GPC5: variants seen among roughly 807,000 people sequenced by gnomAD.
GPC5 encodes glypican 5.
Under a neutral mutation model 53.9 loss-of-function variants are expected in GPC5, and 47 were observed. The ratio of observed to expected loss-of-function variants is 0.87; its 90% confidence interval spans 0.69 to 1.11. The LOEUF (loss-of-function observed/expected upper bound fraction) is 1.11. Among genes scored for constraint, GPC5 ranks in the 50% most tolerant of loss-of-function variants. The probability of loss-of-function intolerance (pLI) is 0.00; values close to 1 mark genes in which losing one functional copy is unlikely to be tolerated. For missense variants in GPC5, 748 were observed against 713.1 expected (o/e 1.05, Z -0.56); for synonymous variants, 286 against 263.3 (o/e 1.09, Z -0.84).
intron 2 of GPC5, among the ~76,000 whole-genome samples, chr13:91,569,490 A>G (rs1360948518): frequency 6.6e-6 from 1 of 152,144 alleles, no homozygotes; most frequent in Non-Finnish European, 1.5e-5. Context: ...CAATTTTAAT[A>G]TATAACATTT....
intron 7 of GPC5, among the ~76,000 whole-genome samples, chr13:92,421,572 A>G (rs1408705043): frequency 1.3e-5 from 2 of 151,344 alleles, no homozygotes; most frequent in African/African-American, 2.4e-5. Flanking sequence ...GGTGGCGGGC[A>G]CCTGTAGTCC....
chr13:92,593,052 A>G (rs1297944861), intron 7 of GPC5, among the ~76,000 whole-genome samples: 1 of 151,120 alleles, frequency 6.6e-6, no homozygotes, highest in Non-Finnish European at 1.5e-5. Flanking sequence ...ACTAGAGTGG[A>G]GTGAATGAGG....
chr13:92,645,596 T>C (rs1885741364), intron 7 of GPC5, among the ~76,000 whole-genome samples: 1 of 152,188 alleles, frequency 6.6e-6, no homozygotes, highest in Non-Finnish European at 1.5e-5. Flanking sequence ...ATTTATAACA[T>C]AAAGTGCTAA....
At chr13:92,438,988 G>T (rs1479217676) in intron 7 of GPC5, among the ~76,000 whole-genome samples, 2 of 152,072 alleles carry the variant, frequency 1.3e-5, no homozygotes, top group Non-Finnish European at 2.9e-5. Flanking sequence ...TATACAGTTG[G>T]ATATACTGGT....
intron 7 of GPC5, among the ~76,000 whole-genome samples, chr13:92,683,662 T>TAA (rs1330807390): frequency 6.6e-6 from 1 of 152,214 alleles, no homozygotes; most frequent in Non-Finnish European, 1.5e-5. Flanking sequence ...TTATTCAAAC[T>TAA]AAAGACCATG....
chr13:92,004,458 TTATATATATATATATATA>T (rs58376767), intron 6 of GPC5, among the ~76,000 whole-genome samples: 1 of 82,528 alleles, frequency 1.2e-5, no homozygotes, highest in Non-Finnish European at 2.2e-5. Flanking sequence ...AAAAAAAAAA[TTATATATATATATATATA>T]TATATATATA....
intron 7 of GPC5, among the ~76,000 whole-genome samples, chr13:92,408,679 TTATA>T (rs1351756984): frequency 6.6e-6 from 1 of 151,646 alleles, no homozygotes; most frequent in East Asian, 1.9e-4. Context: ...GTATATGTAT[TTATA>T]TATACATGCA....
At chr13:91,647,654 G>T (rs906563002) in intron 2 of GPC5, among the ~76,000 whole-genome samples, 4 of 152,284 alleles carry the variant, frequency 2.6e-5, no homozygotes, top group African/African-American at 9.6e-5. Flanking sequence ...TGCCCTTACA[G>T]TTTTGCTGAA....
At chr13:91,695,109 G>A (rs986999647) in intron 3 of GPC5, among the ~76,000 whole-genome samples, 4 of 152,140 alleles carry the variant, frequency 2.6e-5, no homozygotes, top group Non-Finnish European at 1.5e-5. Flanking sequence ...CAGCAGCATA[G>A]GGTAATGTGT....
intron 7 of GPC5, among the ~76,000 whole-genome samples, chr13:92,605,127 C>A (rs1884209560): frequency 6.6e-6 from 1 of 152,082 alleles, no homozygotes; most frequent in Non-Finnish European, 1.5e-5. Context: ...AGTCAAAAAC[C>A]AATTAGAAAT....
rs1256989184 is a variant in GPC5 at position 92,188,580 on chromosome 13, A to G, written c.1561+43591A>G. 2.6e-5 allele frequency among the ~76,000 whole-genome samples: 4 copies of G among 152,230 alleles called. No homozygotes were observed. The East Asian group carries it at 7.7e-4, about 29-fold the overall frequency. ...AAAGTAAGACCAGATAAAAATACCT[A>G]TGATGCTCATTGTTTAAATGAATCA... On this transcript the variant is annotated intron_variant, in intron 7 of 7. Transcript: ENST00000377067.
intron 3 of GPC5, among the ~76,000 whole-genome samples, chr13:91,717,004 C>T (rs989325889): frequency 1.1e-4 from 16 of 152,206 alleles, no homozygotes; most frequent in African/African-American, 3.1e-4. Flanking sequence ...CTCTGCTCTA[C>T]TCCACATTGC....
At chr13:92,834,318 A>G (rs1022512397) in intron 7 of GPC5, among the ~76,000 whole-genome samples, 1 of 152,168 alleles carries the variant, frequency 6.6e-6, no homozygotes, top group African/African-American at 2.4e-5. Context: ...CCTGTTAAAA[A>G]ATGGTAATTT....
chr13:92,052,180 G>T (rs2041035280), intron 6 of GPC5, among the ~76,000 whole-genome samples: 1 of 152,154 alleles, frequency 6.6e-6, no homozygotes. Flanking sequence ...ATCTCCCATA[G>T]ACCTGTCATG....
intron 6 of GPC5, among the ~76,000 whole-genome samples, chr13:92,134,381 A>G (rs185160176): frequency 1.3e-5 from 2 of 152,166 alleles, no homozygotes; most frequent in Non-Finnish European, 2.9e-5. Context: ...GAAGAACTGT[A>G]CATTTGGGGA....
At chr13:92,850,115 CT>C (rs902424577) in intron 7 of GPC5, among the ~76,000 whole-genome samples, 98 of 152,030 alleles carry the variant, frequency 6.4e-4, no homozygotes, top group South Asian at 2.1e-3. Context: ...AATATACAAC[CT>C]TTTTTTTAAC....
chr13:92,795,572 T>C (rs1276026770), intron 7 of GPC5, among the ~76,000 whole-genome samples: 1 of 152,132 alleles, frequency 6.6e-6, no homozygotes, highest in African/African-American at 2.4e-5. Context: ...CAAAAGAAAC[T>C]ACCATCAGAG....
chr13:92,179,422 G>A (rs1181364122), intron 7 of GPC5, among the ~76,000 whole-genome samples: 1 of 152,166 alleles, frequency 6.6e-6, no homozygotes, highest in Non-Finnish European at 1.5e-5. Context: ...CATAGTCTGA[G>A]CTTACTCATG....
intron 7 of GPC5, among the ~76,000 whole-genome samples, chr13:92,330,783 A>G (rs2043282894): frequency 6.6e-6 from 1 of 152,158 alleles, no homozygotes; most frequent in African/African-American, 2.4e-5. Flanking sequence ...CCTCTTGCAG[A>G]ACACAGAGCA....
Sources: allele counts gnomAD v4.1 joint callset (sites outside exome capture counted in the v4.1 genomes callset), GRCh38; gene constraint gnomAD v4.1.1; transcripts MANE v1.5; gene names NCBI Gene and HGNC (gene_info 2026-07-23, HGNC 2026-07-21).